DLG2: variants seen among roughly 807,000 people sequenced by gnomAD.
The protein encoded by DLG2 is disks large homolog 2.
In DLG2, 45 loss-of-function variants were observed where a neutral mutation model predicts 132.5. The observed-to-expected ratio is 0.34, with a 90% CI of 0.27 to 0.44. The LOEUF (loss-of-function observed/expected upper bound fraction) is 0.44. Ranked by LOEUF, DLG2 falls within the 20% of genes least tolerant of loss-of-function variation. DLG2 has a pLI of 1.00. For missense variants in DLG2, 1,045 were observed against 1,196.9 expected, an observed-to-expected ratio of 0.87 and a Z score of 1.87; for synonymous variants, 424 against 419.6, an observed-to-expected ratio of 1.01 and a Z score of -0.13.
intron 6 of DLG2, among the ~76,000 whole-genome samples, chr11:84,761,082 T>C (rs1374160094): frequency 2.6e-5 from 4 of 152,168 alleles, no homozygotes; most frequent in African/African-American, 7.2e-5. Context: ...AGAGGGTCCA[T>C]TGAGCTGATT....
chr11:84,885,587 C>T (rs1429635954), intron 6 of DLG2, among the ~76,000 whole-genome samples: 1 of 152,064 alleles, frequency 6.6e-6, no homozygotes, highest in African/African-American at 2.4e-5. Context: ...ATTACTGGCT[C>T]TGTGAGGTCA....
intron 15 of DLG2, among the ~76,000 whole-genome samples, chr11:83,928,501 GA>G (rs940235813): frequency 2.0e-5 from 3 of 151,444 alleles, no homozygotes; most frequent in East Asian, 1.9e-4. Context: ...AGGATAAAAA[GA>G]AAAAAAATAT....
chr11:85,613,776 T>C (rs1438547756), intron 2 of DLG2, among the ~76,000 whole-genome samples: 3 of 152,214 alleles, frequency 2.0e-5, no homozygotes, highest in African/African-American at 4.8e-5. Flanking sequence ...AGCAACCCGC[T>C]TGGGTCCCCT....
intron 17 of DLG2, among the ~76,000 whole-genome samples, chr11:83,812,850 T>C (rs2047715578): frequency 6.6e-6 from 1 of 152,118 alleles, no homozygotes; most frequent in South Asian, 2.1e-4. Flanking sequence ...AGTTGCACAA[T>C]GTTACAGAGT....
intron 3 of DLG2, among the ~76,000 whole-genome samples, chr11:85,357,238 T>G (rs1056903810): frequency 6.8e-5 from 8 of 118,196 alleles, no homozygotes; most frequent in Non-Finnish European, 1.2e-4. Flanking sequence ...AATATCCTCT[T>G]TGTGTGTGTG....
intron 7 of DLG2, among the ~76,000 whole-genome samples, chr11:84,343,690 C>G (rs1016068655): frequency 3.3e-5 from 5 of 152,018 alleles, no homozygotes; most frequent in African/African-American, 1.2e-4. Flanking sequence ...ATTTCCAGGG[C>G]GATTGGTACA....
chr11:85,535,908 T>G (rs2075547300), intron 3 of DLG2, among the ~76,000 whole-genome samples: 1 of 152,124 alleles, frequency 6.6e-6, no homozygotes, highest in South Asian at 2.1e-4. Context: ...AATGTAGGAT[T>G]CCATTTATAT....
chr11:85,287,914 A>G (rs527988547), intron 3 of DLG2, among the ~76,000 whole-genome samples: 13 of 152,166 alleles, frequency 8.5e-5, no homozygotes, highest in Non-Finnish European at 1.8e-4. Context: ...AAAATGTACA[A>G]AACTGAACTA....
intron 9 of DLG2, among the ~76,000 whole-genome samples, chr11:84,118,646 C>A (rs537300565): frequency 2.0e-5 from 3 of 152,182 alleles, no homozygotes; most frequent in African/African-American, 7.2e-5. Flanking sequence ...TTAGAAGGTA[C>A]TTAACCCGAG....
intron 4 of DLG2, among the ~76,000 whole-genome samples, chr11:85,250,427 C>T (rs1206832283): frequency 6.6e-6 from 1 of 152,092 alleles, no homozygotes; most frequent in Non-Finnish European, 1.5e-5. Flanking sequence ...ATTTGCAGTT[C>T]ATAAATCCAC....
At chr11:83,639,458 G>A (rs537092927) in intron 18 of DLG2, among the ~76,000 whole-genome samples, 2 of 152,104 alleles carry the variant, frequency 1.3e-5, no homozygotes, top group South Asian at 4.2e-4. Flanking sequence ...TTCTTTGCAG[G>A]GACATGGATG....
chr11:84,824,369 C>CA (rs1156891192), intron 6 of DLG2, among the ~76,000 whole-genome samples: 1 of 151,376 alleles, frequency 6.6e-6, no homozygotes, highest in Non-Finnish European at 1.5e-5. Context: ...ACATAGCTAA[C>CA]AAAAAAAGAG....
intron 14 of DLG2, among the ~76,000 whole-genome samples, chr11:83,952,564 T>G (rs1025134408): frequency 3.9e-5 from 6 of 152,202 alleles, no homozygotes. Flanking sequence ...TAAATGTCTA[T>G]TAATAGGAAA....
intron 19 of DLG2, among the ~76,000 whole-genome samples, chr11:83,580,927 T>TCATTCCTCCCTTCCTTTCTC (rs1462081509): frequency 8.8e-6 from 1 of 113,098 alleles, no homozygotes; most frequent in Non-Finnish European, 1.8e-5. Context: ...TTTCCCTCCC[T>TCATTCCTCCCTTCCTTTCTC]CATTCCTCCC....
At chr11:84,818,040 A>C (rs2077257452) in intron 6 of DLG2, among the ~76,000 whole-genome samples, 1 of 152,020 alleles carries the variant, frequency 6.6e-6, no homozygotes, top group Admixed American at 6.6e-5. Flanking sequence ...TATATGAAAA[A>C]ATAAATACAT....
intron 3 of DLG2, among the ~76,000 whole-genome samples, chr11:85,338,439 G>A (rs72951905): frequency 0.027 from 4,146 of 152,202 alleles, 94 homozygotes; most frequent in East Asian, 0.094. Flanking sequence ...ATCCACTGCA[G>A]TGTGGTTAGG....
intron 3 of DLG2, among the ~76,000 whole-genome samples, chr11:85,512,447 G>C (rs2094094554): frequency 6.6e-6 from 1 of 152,060 alleles, no homozygotes; most frequent in South Asian, 2.1e-4. Context: ...AAATAATTAA[G>C]TGCCTTTGGA....
intron 15 of DLG2, among the ~76,000 whole-genome samples, chr11:83,890,474 C>T (rs1348689361): frequency 6.6e-6 from 1 of 151,906 alleles, no homozygotes; most frequent in Non-Finnish European, 1.5e-5. Context: ...TGTTACTGTC[C>T]TCTCCTACTT....
At chr11:83,704,302 T>C (rs1297743222) in intron 18 of DLG2, among the ~76,000 whole-genome samples, 1 of 152,148 alleles carries the variant, frequency 6.6e-6, no homozygotes, top group Non-Finnish European at 1.5e-5. Context: ...GGGTAGTTAG[T>C]TGTACATATA....
Sources: gnomAD v4.1 joint callset for allele counts (sites outside exome capture counted in the v4.1 genomes callset) on GRCh38, gnomAD v4.1.1 for gene constraint, MANE v1.5 for transcripts, NCBI Gene and HGNC (gene_info 2026-07-23, HGNC 2026-07-21) for gene names.